Variants in RLN1 observed in about 807,000 individuals in gnomAD.
The protein encoded by RLN1 is relaxin 1, also known as prorelaxin H1.
RLN1 carries 4 observed loss-of-function variants against 7.2 expected under a neutral mutation model. The ratio of observed to expected loss-of-function variants is 0.56; its 90% CI spans 0.28 to 1.28. The LOEUF is 1.28. RLN1 is among the 50% of genes most tolerant of loss of function. The probability of loss-of-function intolerance (pLI) is 0.11; values close to 1 mark genes in which losing one functional copy is unlikely to be tolerated. For synonymous variants in RLN1, 105 were observed against 86.0 expected (o/e 1.22, Z -1.22); for missense variants, 293 against 221.1 (o/e 1.32, Z -2.06).
Position 5,335,185 on chromosome 9 carries a change from G to A in RLN1, c.*66C>T. The stretch of plus-strand genomic sequence containing the variant: ...TAATAATTAGTGGGACCTGACAGAA[G>A]CATCAGTGAAATGTCATCAAGACTA... On this transcript the variant is annotated 3_prime_UTR_variant, in exon 2 of 2. Coordinates refer to ENST00000223862, the MANE Select transcript of RLN1 (RefSeq NM_006911.4). The A allele has an allele frequency of 2.2e-6, 2 of 895,518 alleles. No individual in the cohort carries two copies. Among genetic ancestry groups the A allele is most frequent in the Non-Finnish European group, 3.4e-6 (2 of 591,418 alleles). The allele number at this position is 895,518 out of a possible 1,614,324, so 55.5% of individuals were successfully genotyped here. A position where few individuals can be genotyped will look rare whatever the true frequency, so the allele number is the denominator to read the frequency against.
At chr9:5,339,958 CCTT>C (rs1816959034), upstream of RLN1, 1 of 597,880 alleles carries the variant, frequency 1.7e-6, no homozygotes, top group East Asian at 2.8e-5. Flanking sequence ...AGAATTTTCT[CCTT>C]CAGCTCTTGT....
At chr9:5,340,808 A>T (rs1157323358), upstream of RLN1, among the ~76,000 whole-genome samples, 1 of 152,218 alleles carries the variant, frequency 6.6e-6, no homozygotes. Flanking sequence ...GTTCATTTTT[A>T]AAAATAACTT....
chr9:5,339,498 G>C (rs754398278), intron 1 of RLN1, 38 bp downstream of exon 1: 2 of 1,438,968 alleles, frequency 1.4e-6, no homozygotes, highest in Non-Finnish European at 1.9e-6. Flanking sequence ...TAACCAATGG[G>C]AAGCGCGGGA....
intron 1 of RLN1, among the ~76,000 whole-genome samples, chr9:5,338,046 A>G (rs202173437): frequency 1.3e-5 from 2 of 149,926 alleles, no homozygotes; most frequent in African/African-American, 4.9e-5. Flanking sequence ...TACCTATCCA[A>G]ATGTTAACAT....
rs113678308 is a variant in RLN1 at position 5,339,730 on chromosome 9, A to G, written c.17T>C (p.Leu6Ser). Residue 6 changes from leucine to serine, a missense_variant, in exon 1 of 2, where the codon TTG (leucine) becomes TCG (serine). Physicochemically the swap from Leu to Ser is moderately radical, Grantham distance 145. Transcript: ENST00000223862. MPRLF[L>S]FHLLEFCLLL... ...TAAACAGAATTCTAGCAGGTGGAAC[A>G]AGAACAGGCGAGGCATCCTGGGCCT... is the stretch of plus-strand genomic sequence containing the variant. 1.7e-5 allele frequency: 27 copies of G among 1,613,494 alleles called. 1 individual carries two copies. In the African/African-American group the frequency reaches 1.9e-4, roughly 11 times the overall value.
rs1816859338 is a variant in RLN1 at position 5,335,189 on chromosome 9, C to T, written c.*62G>A. 1.1e-5 allele frequency: 10 copies of T among 938,806 alleles called. No homozygotes were observed. In the East Asian group the frequency reaches 1.5e-4, roughly 14 times the overall value. The allele number at this position is 938,806 out of a possible 1,614,324, so 58.2% of individuals were successfully genotyped here. ...AATTAGTGGGACCTGACAGAAGCAT[C>T]AGTGAAATGTCATCAAGACTATGTG... On this transcript the variant is annotated 3_prime_UTR_variant, in exon 2 of 2. Coordinates refer to ENST00000223862, the MANE Select transcript of RLN1 (RefSeq NM_006911.4).
In RLN1 at chr9:5,335,176, C is replaced by T; in HGVS notation, c.*75G>A. The T allele has an allele frequency of 2.4e-6, 2 of 820,122 alleles. No homozygotes were observed. Among genetic ancestry groups the T allele is most frequent in the Non-Finnish European group, 3.8e-6 (2 of 531,234 alleles). 50.8% of individuals were successfully genotyped at this position (820,122 alleles called of 1,614,324 possible). A position where few individuals can be genotyped will look rare whatever the true frequency, so the allele number is the denominator to read the frequency against. On this transcript the variant is annotated 3_prime_UTR_variant, in exon 2 of 2. Coordinates refer to ENST00000223862, the MANE Select transcript of RLN1 (RefSeq NM_006911.4). ...CTTATATTCTAATAATTAGTGGGAC[C>T]TGACAGAAGCATCAGTGAAATGTCA...
At chr9:5,337,504 A>T (rs896126029) in intron 1 of RLN1, among the ~76,000 whole-genome samples, 1 of 152,062 alleles carries the variant, frequency 6.6e-6, no homozygotes, top group Non-Finnish European at 1.5e-5. Flanking sequence ...TCTGGTTTAA[A>T]GCGGATCTTA....
At chr9:5,339,969 T>C, upstream of RLN1, 1 of 587,950 alleles carries the variant, frequency 1.7e-6, no homozygotes, top group Non-Finnish European at 3.0e-6. Flanking sequence ...CTTCAGCTCT[T>C]GTTCTGCCTC....
upstream of RLN1, among the ~76,000 whole-genome samples, chr9:5,340,403 T>A (rs1470513241): frequency 6.6e-6 from 1 of 152,212 alleles, no homozygotes; most frequent in African/African-American, 2.4e-5. Context: ...ACAAAACAAT[T>A]TCTCCATTGG....
chr9:5,339,355 A>T, intron 1 of RLN1, 181 bp downstream of exon 1: 1 of 514,748 alleles, frequency 1.9e-6, no homozygotes, highest in South Asian at 2.1e-5. Context: ...CTGTTTGAAT[A>T]AAATCACCTG....
upstream of RLN1, among the ~76,000 whole-genome samples, chr9:5,340,101 CT>C (rs534523295): frequency 7.2e-5 from 11 of 152,254 alleles, no homozygotes; most frequent in South Asian, 2.3e-3. Flanking sequence ...GATATGAAGC[CT>C]TTCTTTTTAC....
upstream of RLN1, chr9:5,339,895 C>T (rs1816957641): frequency 1.3e-6 from 1 of 763,342 alleles, no homozygotes; most frequent in Admixed American, 2.8e-5. Context: ...TGGGCTATCA[C>T]TCAGCTTTTA....
At chr9:5,339,120 C>T in intron 1 of RLN1, 1 of 159,908 alleles carries the variant, frequency 6.3e-6, no homozygotes, top group Admixed American at 1.7e-4. Context: ...GTTCAGGTGC[C>T]CCCACCAGCA....
At chr9:5,337,611 CTAACAGTA>C (rs1282083037) in intron 1 of RLN1, among the ~76,000 whole-genome samples, 1 of 151,912 alleles carries the variant, frequency 6.6e-6, no homozygotes, top group Non-Finnish European at 1.5e-5. Context: ...TAGCAATTAC[CTAACAGTA>C]TAAGTCTGAA....
intron 1 of RLN1, 144 bp downstream of exon 1, chr9:5,339,392 A>T (rs1345258676): frequency 1.4e-5 from 8 of 576,268 alleles, no homozygotes; most frequent in Non-Finnish European, 1.5e-5. Context: ...AACTTTAGGG[A>T]CCAGCCACGG....
At position 5,335,405 on chromosome 9, in the gene RLN1, T is replaced by C. The variant is rs779047248; in HGVS notation, c.404A>G (p.Asn135Ser). ...SFEEFKKLIR[N>S]RQSEAADSNP... ...GCTGTCTGCGGCTTCACTTTGCCTA[T>C]TGCGAATAAGTTTCTTAAATTCTTC... The change falls in exon 2 of 2, where the codon AAT becomes AGT. Residue 135 changes from asparagine to serine, a missense_variant. Transcript: ENST00000223862. 21 of 1,613,668 alleles carry C rather than the reference T, an allele frequency of 1.3e-5. 1 individual carries two copies. The Middle Eastern group carries it at 1.6e-3, about 126-fold the overall frequency.
At chr9:5,339,936 A>G (rs142076110), upstream of RLN1, 322 of 612,142 alleles carry the variant, frequency 5.3e-4, 4 homozygotes, top group East Asian at 8.8e-3. Flanking sequence ...CCCCTTTCCC[A>G]CACCCCTCCA....
intron 1 of RLN1, among the ~76,000 whole-genome samples, chr9:5,336,360 G>A (rs537661804): frequency 6.6e-6 from 1 of 152,146 alleles, no homozygotes; most frequent in African/African-American, 2.4e-5. Context: ...TGCAGATCAT[G>A]CACTATGCAA....
Sources: allele counts gnomAD v4.1 joint callset (sites outside exome capture counted in the v4.1 genomes callset), GRCh38; gene constraint gnomAD v4.1.1; transcripts MANE v1.5; gene names NCBI Gene and HGNC (gene_info 2026-07-23, HGNC 2026-07-21).